CLN5: variants seen among roughly 807,000 people sequenced by gnomAD.
The protein encoded by CLN5 is CLN5 lysosomal BMP synthase.
Under a neutral mutation model 36.7 loss-of-function variants are expected in CLN5, and 34 were observed. The ratio of observed to expected loss-of-function variants is 0.93; its 90% CI spans 0.71 to 1.23. The LOEUF is 1.23. Ranked by LOEUF, CLN5 falls within the 50% of genes most tolerant of loss-of-function variation. The pLI is 0.00. For synonymous variants in CLN5, 151 were observed against 155.1 expected (o/e 0.97, Z 0.20); for missense variants, 427 against 439.4 (o/e 0.97, Z 0.25).
chr13:76,992,310 GGCGTTGACGA>G, intron 1 of CLN5, 39 bp downstream of exon 1: 1 of 1,516,666 alleles, frequency 6.6e-7, no homozygotes, highest in Non-Finnish European at 8.8e-7. Flanking sequence ...GGTTGGGGTC[GGCGTTGACGA>G]TGGGGGATGG....
At position 77,003,013 on chromosome 13, in the gene CLN5, G is replaced by A. The variant is rs955544150; in HGVS notation, c.*2044G>A. The A allele has an allele frequency of 6.6e-6, 1 of 152,212 alleles. No homozygotes were observed. Among genetic ancestry groups the A allele is most frequent in the African/African-American group, 2.4e-5 (1 of 41,454 alleles). The allele number at this position is 152,212 out of a possible 1,614,324, so 9.4% of individuals were successfully genotyped here. ...ATAGTTATGTGAAAAAAGCATTCAA[G>A]ATTTTTGAGTAGGCACAGTGGCTTA... On this transcript the variant is annotated 3_prime_UTR_variant, in exon 4 of 4. Transcript: ENST00000377453.
chr13:76,994,536 T>A (rs1189017246), intron 1 of CLN5: 1 of 158,626 alleles, frequency 6.3e-6, no homozygotes, highest in Non-Finnish European at 1.4e-5. Context: ...CCACCCACAG[T>A]TCCATGAGAA....
chr13:76,999,977 T>C (rs1007229320), intron 3 of CLN5: 7 of 152,182 alleles, frequency 4.6e-5, no homozygotes, highest in African/African-American at 1.7e-4. Context: ...TGAGCTTGGA[T>C]TCCTGTTGTG....
At position 77,002,463 on chromosome 13, in the gene CLN5, T is replaced by C. The variant is rs1388503333; in HGVS notation, c.*1494T>C. Reference sequence around the variant, plus strand: ...ACTGACAGGAAGCTTTTATAAACAATTTATTGGAGTGTTTTTGTTTCTGTT... The same window carrying C: ...ACTGACAGGAAGCTTTTATAAACAACTTATTGGAGTGTTTTTGTTTCTGTT... On this transcript the variant is annotated 3_prime_UTR_variant, in exon 4 of 4. Coordinates refer to ENST00000377453, the MANE Select transcript of CLN5 (RefSeq NM_006493.4). The C allele has an allele frequency of 6.6e-6, 1 of 152,170 alleles. No individual in the cohort carries two copies. The highest frequency in any genetic ancestry group is 1.5e-5 in the Non-Finnish European group (1 of 68,024). The allele number at this position is 152,170 out of a possible 1,614,324, so 9.4% of individuals were successfully genotyped here. A position where few individuals can be genotyped will look rare whatever the true frequency, so the allele number is the denominator to read the frequency against.
Position 76,992,217 on chromosome 13 carries a change from G to A in CLN5, c.119G>A (p.Gly40Asp), listed in dbSNP as rs1233765131. 4 of 1,599,990 alleles carry A rather than the reference G, an allele frequency of 2.5e-6. No homozygotes were observed. Among genetic ancestry groups the A allele is most frequent in the Non-Finnish European group, 3.4e-6 (4 of 1,177,298 alleles). Reference sequence around the variant, plus strand: ...CTGCTTTGGCTCGCGGTGGTTCCGGGCTGGTCCCGGGTCTCGGGCATCCCC... The same window carrying A: ...CTGCTTTGGCTCGCGGTGGTTCCGGACTGGTCCCGGGTCTCGGGCATCCCC... ...LALLWLAVVPGWSRVSGIPSR... is the reference protein window; with the variant it reads ...LALLWLAVVPDWSRVSGIPSR... The change falls in exon 1 of 4, where the codon GGC becomes GAC. Residue 40 changes from glycine (G) to aspartate (D), a missense_variant. Transcript: ENST00000377453.
intron 1 of CLN5, chr13:76,993,937 G>A (rs1389185878): frequency 6.6e-6 from 1 of 152,182 alleles, no homozygotes; most frequent in Non-Finnish European, 1.5e-5. Flanking sequence ...TAGGTGACCA[G>A]TGTGTCTGTT....
rs946865826 is a variant in CLN5 at position 77,001,746 on chromosome 13, A to T, written c.*777A>T. On this transcript the variant is annotated 3_prime_UTR_variant, in exon 4 of 4. Transcript: ENST00000377453. ...CTTGCCTAATGTAGTTTATGTGCCA[A>T]ACTTTCCAGGGTTTTGTAGTCACCT... The T allele has an allele frequency of 6.6e-6, 1 of 152,244 alleles. No individual in the cohort carries two copies. The highest frequency in any genetic ancestry group is 1.5e-5 in the Non-Finnish European group (1 of 68,044). The allele number at this position is 152,244 out of a possible 1,614,324, so 9.4% of individuals were successfully genotyped here.
In CLN5 at chr13:77,003,148, TAAA is replaced by T. The variant is rs11313582; in HGVS notation, c.*2194_*2196del. ...GGTGAAACCCCGTTTCTCCTAAAATTAAAAAAAAAAAAAAAAAGCTAGGGGTGG... is the reference window on the plus strand; with the variant it reads ...GGTGAAACCCCGTTTCTCCTAAAATTAAAAAAAAAAAAAAGCTAGGGGTGG... On this transcript the variant is annotated 3_prime_UTR_variant, in exon 4 of 4. Coordinates refer to ENST00000377453, the MANE Select transcript of CLN5 (RefSeq NM_006493.4). 14 of 124,480 alleles carry T rather than the reference TAAA, an allele frequency of 1.1e-4. No homozygotes were observed. Among genetic ancestry groups the T allele is most frequent in the Admixed American group, 2.5e-4 (3 of 12,200 alleles). The allele number at this position is 124,480 out of a possible 1,614,324, so 7.7% of individuals were successfully genotyped here.
chr13:77,002,587 TC>T lies in CLN5; in HGVS notation c.*1621del. The T allele has an allele frequency of 6.6e-6, 1 of 152,130 alleles. No homozygotes were observed. Among genetic ancestry groups the T allele is most frequent in the East Asian group, 1.9e-4 (1 of 5,188 alleles). The allele number at this position is 152,130 out of a possible 1,614,324, so 9.4% of individuals were successfully genotyped here. A position where few individuals can be genotyped will look rare whatever the true frequency, so the allele number is the denominator to read the frequency against. On this transcript the variant is annotated 3_prime_UTR_variant, in exon 4 of 4. Coordinates refer to ENST00000377453, the MANE Select transcript of CLN5 (RefSeq NM_006493.4). ...CTGGGTTTTTTTTTTTCAACTGTAG[TC>T]CCACAACAGTCTGAAAATAACCCAG... is the stretch of plus-strand genomic sequence containing the variant.
At position 76,995,888 on chromosome 13, in the gene CLN5, C is replaced by A; in HGVS notation, c.340-14C>A. The A allele has an allele frequency of 6.2e-7, 1 of 1,607,594 alleles. No individual in the cohort carries two copies. The highest frequency in any genetic ancestry group is 1.3e-5 in the African/African-American group (1 of 74,912). On this transcript the variant is annotated splice_polypyrimidine_tract_variant and intron_variant, in intron 2 of 3. Coordinates refer to ENST00000377453, the MANE Select transcript of CLN5 (RefSeq NM_006493.4). The stretch of plus-strand genomic sequence containing the variant: ...TGTCACAGTTGCTTTTATACATGTA[C>A]TGTCTTTACACAGAAAATTATGCAT...
In CLN5 at chr13:77,001,145, A is replaced by G; in HGVS notation, c.*176A>G. 1.8e-6 allele frequency: 1 copy of G among 567,266 alleles called. No homozygotes were observed. Among genetic ancestry groups the G allele is most frequent in the Non-Finnish European group, 3.0e-6 (1 of 330,216 alleles). 35.1% of individuals were successfully genotyped at this position (567,266 alleles called of 1,614,324 possible). A position where few individuals can be genotyped will look rare whatever the true frequency, so the allele number is the denominator to read the frequency against. On this transcript the variant is annotated 3_prime_UTR_variant, in exon 4 of 4. Transcript: ENST00000377453. ...GACTCTTCTCTTGTAAAGAAGCTGA[A>G]ATTCGTACTATATTGGCCAAAGTGA...
intron 2 of CLN5, 63 bp downstream of exon 2, chr13:76,995,291 T>A: frequency 6.8e-7 from 1 of 1,460,768 alleles, no homozygotes. Flanking sequence ...TAAGTTGATT[T>A]TTAAGGAGTA....
At chr13:76,996,931 GT>G (rs2034277455) in intron 3 of CLN5, 1 of 151,948 alleles carries the variant, frequency 6.6e-6, no homozygotes, top group Non-Finnish European at 1.5e-5. Context: ...GAGAAGAAGT[GT>G]TCCCTTTCCC....
intron 2 of CLN5, 129 bp downstream of exon 2, chr13:76,995,357 A>G (rs2034247791): frequency 1.2e-6 from 1 of 841,534 alleles, no homozygotes; most frequent in Non-Finnish European, 2.0e-6. Flanking sequence ...TAGTACATTT[A>G]AAATGAGTAG....
At chr13:76,998,749 G>GT (rs1162573201) in intron 3 of CLN5, 1 of 152,186 alleles carries the variant, frequency 6.6e-6, no homozygotes, top group Non-Finnish European at 1.5e-5. Context: ...TCTTTTAAAT[G>GT]TAACAAGGAT....
rs140319307 is a variant in CLN5, at chr13:77,005,089, C to T, written c.*4120C>T. ...TTAAATTTCCTATTTCTTTAGGCAT[C>T]AGAGCTTATTTCAAGAATAGATTCC... is the stretch of plus-strand genomic sequence containing the variant. On this transcript the variant is annotated 3_prime_UTR_variant, in exon 4 of 4. Transcript: ENST00000377453. The T allele has an allele frequency of 6.6e-6, 1 of 152,154 alleles. No homozygotes were observed. The highest frequency in any genetic ancestry group is 1.5e-5 in the Non-Finnish European group (1 of 67,970). 9.4% of individuals were successfully genotyped at this position (152,154 alleles called of 1,614,324 possible).
At chr13:76,993,267 C>T (rs977337294) in intron 1 of CLN5, 2 of 152,084 alleles carry the variant, frequency 1.3e-5, no homozygotes, top group South Asian at 2.1e-4. Context: ...AGTGGTAGCA[C>T]GTACCTCATA....
At position 76,992,124 on chromosome 13, in the gene CLN5, A is replaced by T. The variant is rs1230755416; in HGVS notation, c.26A>T (p.Gln9Leu). The part of the protein sequence containing the change: MAQEVDTA[Q>L]GAEMRRGAGA... Reference sequence around the variant, plus strand: ...ATGGCGCAGGAGGTAGACACGGCACAGGGCGCCGAGATGCGGCGGGGCGCG... The same window carrying T: ...ATGGCGCAGGAGGTAGACACGGCACTGGGCGCCGAGATGCGGCGGGGCGCG... The change falls in exon 1 of 4, where the codon CAG becomes CTG. Residue 9 changes from glutamine to leucine, a missense_variant. Transcript: ENST00000377453. 1 of 1,610,726 alleles carries T rather than the reference A, an allele frequency of 6.2e-7. No homozygotes were observed. Among genetic ancestry groups the T allele is most frequent in the Non-Finnish European group, 8.5e-7 (1 of 1,178,874 alleles).
chr13:76,996,257 C>G, intron 3 of CLN5, 130 bp downstream of exon 3: 1 of 796,178 alleles, frequency 1.3e-6, no homozygotes, highest in Non-Finnish European at 2.0e-6. Context: ...ACTTTTGGAA[C>G]CATTAAACTT....
Sources: gnomAD v4.1 joint callset for allele counts on GRCh38, gnomAD v4.1.1 for gene constraint, MANE v1.5 for transcripts, NCBI Gene and HGNC (gene_info 2026-07-23, HGNC 2026-07-21) for gene names.